Variants in BANP observed in about 807,000 individuals in gnomAD.
BANP encodes protein BANP.
A neutral mutation model predicts 68.1 loss-of-function variants in BANP; 11 were observed. The observed-to-expected ratio is 0.16, with a 90% confidence interval of 0.10 to 0.27. The LOEUF (loss-of-function observed/expected upper bound fraction) is 0.27. BANP is among the 10% of genes least tolerant of loss of function. The probability of loss-of-function intolerance (pLI) is 1.00; values close to 1 mark genes in which losing one functional copy is unlikely to be tolerated. For missense variants in BANP, 504 were observed against 722.7 expected (o/e 0.70, Z 3.47); for synonymous variants, 329 against 303.2 (o/e 1.09, Z -0.88).
chr16:88,007,047 T>C (rs1479842693), intron 6 of BANP, among the ~76,000 whole-genome samples: 2 of 151,974 alleles, frequency 1.3e-5, no homozygotes, highest in East Asian at 1.9e-4. Flanking sequence ...TCTAAACCTT[T>C]TGGGGTTTTT....
Position 88,056,178 on chromosome 16 carries a change from C to T in BANP, c.1312-9089C>T, listed in dbSNP as rs145063723. Among the ~76,000 whole-genome samples the T allele has an allele frequency of 2.2e-4, 34 of 152,336 alleles. 1 individual carries two copies. The highest frequency in any genetic ancestry group is 7.9e-4 in the African/African-American group (33 of 41,578). On this transcript the variant is annotated intron_variant, in intron 11 of 13. Coordinates refer to ENST00000682872, the MANE Select transcript of BANP (RefSeq NM_001386991.1). ...TCCTTGTGGCCCCTAACAGGCTTGC[C>T]GCATGCAGCAGAGTGTTCTGAGAGT...
At chr16:87,951,772 C>T (rs2056928876) in intron 1 of BANP, among the ~76,000 whole-genome samples, 1 of 151,820 alleles carries the variant, frequency 6.6e-6, no homozygotes, top group African/African-American at 2.4e-5. Flanking sequence ...TCCGTTGAGC[C>T]GCGGCTGCCG....
chr16:88,026,779 A>G (rs755010196), intron 7 of BANP, among the ~76,000 whole-genome samples: 20 of 151,624 alleles, frequency 1.3e-4, no homozygotes, highest in Non-Finnish European at 2.5e-4. Flanking sequence ...CAGAGTAACA[A>G]TACATACATG....
At chr16:87,985,722 C>T (rs2064251336) in intron 4 of BANP, among the ~76,000 whole-genome samples, 2 of 152,232 alleles carry the variant, frequency 1.3e-5, no homozygotes, top group Admixed American at 6.5e-5. Context: ...TGGTATGTTG[C>T]GTCCTGGTGA....
At chr16:88,048,580 A>G (rs2082528983) in intron 11 of BANP, among the ~76,000 whole-genome samples, 1 of 151,968 alleles carries the variant, frequency 6.6e-6, no homozygotes, top group Non-Finnish European at 1.5e-5. Flanking sequence ...GATTAAAGAA[A>G]GGGCATCGAT....
At position 88,018,316 on chromosome 16, in the gene BANP, C is replaced by T. The variant is rs2075078922; in HGVS notation, c.656-112C>T. 2 of 1,364,216 alleles carry T rather than the reference C, an allele frequency of 1.5e-6. No individual in the cohort carries two copies. The highest frequency in any genetic ancestry group is 1.4e-5 in the South Asian group (1 of 73,526). The allele number at this position is 1,364,216 out of a possible 1,614,324, so 84.5% of individuals were successfully genotyped here. On this transcript the variant is annotated intron_variant, in intron 6 of 13. Coordinates refer to ENST00000682872, the MANE Select transcript of BANP (RefSeq NM_001386991.1). This position sits in a 1 kb window ranked among gnomAD's most constrained non-coding sequence, Gnocchi z 7.7. Reference sequence around the variant, plus strand: ...CCTCACAAGTTACGAGGGATTTGCCCAGCCCTGCGTGGAGCATCTTTCCCG... The same window carrying T: ...CCTCACAAGTTACGAGGGATTTGCCTAGCCCTGCGTGGAGCATCTTTCCCG...
intron 1 of BANP, among the ~76,000 whole-genome samples, chr16:87,973,050 C>G (rs534715494): frequency 3.7e-4 from 56 of 152,060 alleles, no homozygotes; most frequent in Middle Eastern, 3.4e-3. Context: ...GTTTGGGGTT[C>G]TTGAGGAATA....
intron 11 of BANP, among the ~76,000 whole-genome samples, chr16:88,051,543 G>C (rs989765907): frequency 6.6e-6 from 1 of 152,152 alleles, no homozygotes; most frequent in African/African-American, 2.4e-5. Context: ...TGCTGAGCGC[G>C]ATGTGTTCCC....
chr16:88,059,260 G>GGCCT, intron 11 of BANP, among the ~76,000 whole-genome samples: 1 of 145,386 alleles, frequency 6.9e-6, no homozygotes, highest in Non-Finnish European at 1.5e-5. Context: ...GGGGTGGGGC[G>GGCCT]GGCGGAGGTG....
At chr16:87,972,065 T>G (rs764799561) in intron 1 of BANP, among the ~76,000 whole-genome samples, 1 of 152,234 alleles carries the variant, frequency 6.6e-6, no homozygotes, top group Non-Finnish European at 1.5e-5. Context: ...AGTATTGGGA[T>G]TACAGGCATG....
intron 1 of BANP, among the ~76,000 whole-genome samples, chr16:87,951,972 C>T (rs926967452): frequency 6.6e-6 from 1 of 152,180 alleles, no homozygotes; most frequent in Admixed American, 6.5e-5. Flanking sequence ...TTTGTGCCTC[C>T]TCCGTGGCTG....
chr16:88,035,328 A>G lies in BANP; in HGVS notation c.1206A>G (p.Pro402=), dbSNP rs140634818. ...IGEDGQVQVI[P]QGHLHIAQVP... is the part of the protein sequence containing the mutation. ...GGTGTCTTTTCTTGCTGCGGATCCCACAGGGACACCTCCACATCGCCCAGG... is the reference window on the plus strand; with the variant it reads ...GGTGTCTTTTCTTGCTGCGGATCCCGCAGGGACACCTCCACATCGCCCAGG... Residue 402 remains proline (P), a synonymous_variant, in exon 10 of 14, where the codon CCA becomes CCG. Transcript: ENST00000682872. The G allele has an allele frequency of 6.2e-7, 1 of 1,610,228 alleles. No individual in the cohort carries two copies. Among genetic ancestry groups the G allele is most frequent in the African/African-American group, 1.3e-5 (1 of 74,818 alleles).
intron 6 of BANP, among the ~76,000 whole-genome samples, chr16:88,013,407 G>A (rs2073722585): frequency 6.6e-6 from 1 of 152,190 alleles, no homozygotes; most frequent in Non-Finnish European, 1.5e-5. Context: ...CTAGACCGCT[G>A]CCCGCACCCA....
At chr16:88,042,592 C>T (rs2081091703) in intron 11 of BANP, among the ~76,000 whole-genome samples, 1 of 152,200 alleles carries the variant, frequency 6.6e-6, no homozygotes, top group Admixed American at 6.5e-5. Context: ...GAAGGGCTTC[C>T]TTAGAACACT....
At chr16:87,988,287 G>T (rs867574678) in intron 4 of BANP, among the ~76,000 whole-genome samples, 12 of 152,166 alleles carry the variant, frequency 7.9e-5, no homozygotes, top group African/African-American at 2.9e-4. Flanking sequence ...ATTTTGAGAT[G>T]GAGTCTCGCT....
chr16:87,959,053 G>A (rs929231184), intron 1 of BANP, among the ~76,000 whole-genome samples: 1 of 152,234 alleles, frequency 6.6e-6, no homozygotes, highest in African/African-American at 2.4e-5. Flanking sequence ...CATGCCCACA[G>A]GGGTGGAGAT....
intron 12 of BANP, among the ~76,000 whole-genome samples, chr16:88,066,210 A>G (rs2088545843): frequency 6.6e-6 from 1 of 152,120 alleles, no homozygotes; most frequent in Non-Finnish European, 1.5e-5. Flanking sequence ...CCTCAGGTAC[A>G]CAGCTTTTAA....
At chr16:88,034,372 G>C (rs111331882) in intron 9 of BANP, among the ~76,000 whole-genome samples, 50 of 152,106 alleles carry the variant, frequency 3.3e-4, no homozygotes, top group African/African-American at 1.1e-3. Flanking sequence ...GATCCATTTC[G>C]ACTAAGAGAG....
intron 11 of BANP, among the ~76,000 whole-genome samples, chr16:88,050,364 C>T (rs772933758): frequency 1.3e-5 from 2 of 152,164 alleles, no homozygotes; most frequent in African/African-American, 2.4e-5. Context: ...GCCATGTTGC[C>T]AGGCTGGTCT....
Sources: allele counts gnomAD v4.1 joint callset (sites outside exome capture counted in the v4.1 genomes callset), GRCh38; gene constraint gnomAD v4.1.1; non-coding constraint Gnocchi (gnomAD v3.1); transcripts MANE v1.5; gene names NCBI Gene and HGNC (gene_info 2026-07-23, HGNC 2026-07-21).